The following PPP3CA variants were observed in gnomAD, a reference collection of about 807,000 sequenced individuals.
The protein encoded by PPP3CA is CAM-PRP catalytic subunit.
PPP3CA carries 14 observed loss-of-function variants against 66.5 expected under a neutral mutation model. The observed-to-expected ratio is 0.21, with a 90% CI of 0.14 to 0.33. The LOEUF (loss-of-function observed/expected upper bound fraction) is 0.33. PPP3CA is among the 10% of genes least tolerant of loss of function. The pLI is 1.00. For synonymous variants in PPP3CA, 232 were observed against 226.2 expected, an observed-to-expected ratio of 1.03 and a Z score of -0.23; for missense variants, 317 against 639.5, an observed-to-expected ratio of 0.50 and a Z score of 5.44.
In PPP3CA at chr4:101,244,554, T is replaced by A. The variant is rs367978137; in HGVS notation, c.59-48438A>T. On this transcript the variant is annotated intron_variant, in intron 1 of 13. Coordinates refer to ENST00000394854, the MANE Select transcript of PPP3CA (RefSeq NM_000944.5). ...CACCATAGTGCTAATGAGGACTGAC[T>A]AACAGCACAATTAAGAGTACGCTAT... Among the ~76,000 whole-genome samples, 21 of 152,254 alleles carry A rather than the reference T, an allele frequency of 1.4e-4. No homozygotes were observed. In the East Asian group the frequency reaches 1.9e-3, roughly 14 times the overall value.
rs138091151 is a variant in PPP3CA, at chr4:101,212,778, C to T, written c.59-16662G>A. On this transcript the variant is annotated intron_variant, in intron 1 of 13. Coordinates refer to ENST00000394854, the MANE Select transcript of PPP3CA (RefSeq NM_000944.5). The stretch of plus-strand genomic sequence containing the variant: ...CAGCAATTAAACTACTGGGCTTTTC[C>T]AAGAACATTTATGTATACGGCAGTA... Among the ~76,000 whole-genome samples, 693 of 151,822 alleles carry T rather than the reference C, an allele frequency of 4.6e-3. 12 individuals carry two copies. Among genetic ancestry groups the T allele is most frequent in the African/African-American group, 0.015 (641 of 41,378 alleles).
chr4:101,062,174 C>T (rs1728491116), intron 9 of PPP3CA, among the ~76,000 whole-genome samples: 1 of 152,076 alleles, frequency 6.6e-6, no homozygotes, highest in Non-Finnish European at 1.5e-5. Context: ...ATCCACACTG[C>T]TTCTGTTTCC....
chr4:101,060,791 A>G (rs1471925897), intron 10 of PPP3CA, among the ~76,000 whole-genome samples: 1 of 152,158 alleles, frequency 6.6e-6, no homozygotes, highest in East Asian at 1.9e-4. Flanking sequence ...TAGAAAATAA[A>G]GGATTAAATT....
chr4:101,204,412 G>A (rs1318318308), intron 1 of PPP3CA, among the ~76,000 whole-genome samples: 3 of 152,020 alleles, frequency 2.0e-5, no homozygotes, highest in Non-Finnish European at 2.9e-5. Flanking sequence ...CCAAGCGGGC[G>A]GATCACGAGG....
At chr4:101,065,583 G>T (rs1728646165) in intron 8 of PPP3CA, among the ~76,000 whole-genome samples, 1 of 152,062 alleles carries the variant, frequency 6.6e-6, no homozygotes, top group Non-Finnish European at 1.5e-5. Context: ...GGAGAAACTT[G>T]CTCAAGATCA....
rs116908287 is a variant in PPP3CA, at chr4:101,042,661, T to C, written c.1157-2095A>G. ...AGGATCCCTACCTCTAATCGTATTC[T>C]GATTTTGTAAACAATATTAATTATC... On this transcript the variant is annotated intron_variant, in intron 10 of 13. Coordinates refer to ENST00000394854, the MANE Select transcript of PPP3CA (RefSeq NM_000944.5). 1.3e-3 allele frequency among the ~76,000 whole-genome samples: 194 copies of C among 152,310 alleles called. 2 individuals are homozygous for C. In the East Asian group the frequency reaches 0.031, roughly 24 times the overall value.
intron 2 of PPP3CA, chr4:101,171,297 C>T (rs1271890441): frequency 2.3e-6 from 1 of 437,868 alleles, no homozygotes; most frequent in East Asian, 7.2e-5. Context: ...CATGTATATT[C>T]TTTAAAGCTC....
intron 1 of PPP3CA, among the ~76,000 whole-genome samples, chr4:101,322,984 T>C (rs1158942830): frequency 6.6e-6 from 1 of 152,202 alleles, no homozygotes; most frequent in Non-Finnish European, 1.5e-5. Flanking sequence ...TGTATCAATG[T>C]ATTTAATTAA....
At chr4:101,343,978 G>A (rs1342286534) in intron 1 of PPP3CA, among the ~76,000 whole-genome samples, 1 of 151,972 alleles carries the variant, frequency 6.6e-6, no homozygotes, top group Non-Finnish European at 1.5e-5. Context: ...GCATGCCATG[G>A]TAATAACAAT....
At chr4:101,323,801 G>A (rs888090555) in intron 1 of PPP3CA, among the ~76,000 whole-genome samples, 6 of 152,050 alleles carry the variant, frequency 3.9e-5, no homozygotes, top group African/African-American at 1.2e-4. Flanking sequence ...TGCTATTACC[G>A]TGTTTTAATG....
At chr4:101,302,585 C>G (rs1728413781) in intron 1 of PPP3CA, among the ~76,000 whole-genome samples, 1 of 152,156 alleles carries the variant, frequency 6.6e-6, no homozygotes, top group Non-Finnish European at 1.5e-5. Flanking sequence ...GGCTGGAGTG[C>G]AAAGGCGCAA....
At chr4:101,071,021 C>T (rs1392756914) in intron 8 of PPP3CA, among the ~76,000 whole-genome samples, 2 of 152,150 alleles carry the variant, frequency 1.3e-5, no homozygotes, top group African/African-American at 4.8e-5. Context: ...GTGAGGCTTA[C>T]ACAAATCTAG....
At chr4:101,219,429 G>T (rs1264921890) in intron 1 of PPP3CA, among the ~76,000 whole-genome samples, 3 of 151,888 alleles carry the variant, frequency 2.0e-5, no homozygotes, top group Non-Finnish European at 4.4e-5. Flanking sequence ...AACTAGCATG[G>T]AGGCAAAGAC....
At chr4:101,044,891 C>T (rs766077235) in intron 10 of PPP3CA, among the ~76,000 whole-genome samples, 19 of 152,266 alleles carry the variant, frequency 1.2e-4, no homozygotes, top group African/African-American at 3.6e-4. Context: ...ACTGTTGCAA[C>T]GCCACAGGGT....
At chr4:101,082,115 G>GCCAAAATAGCATAGT in intron 7 of PPP3CA, among the ~76,000 whole-genome samples, 1 of 152,176 alleles carries the variant, frequency 6.6e-6, no homozygotes, top group Non-Finnish European at 1.5e-5. Flanking sequence ...TCAGCCGACT[G>GCCAAAATAGCATAGT]GAACACAGCC....
chr4:101,338,713 G>A (rs766966283), intron 1 of PPP3CA, among the ~76,000 whole-genome samples: 2 of 152,178 alleles, frequency 1.3e-5, no homozygotes, highest in Admixed American at 1.3e-4. Flanking sequence ...CTTCTGAACT[G>A]AAGCTCGAAA....
At chr4:101,220,918 G>C (rs1320821049) in intron 1 of PPP3CA, among the ~76,000 whole-genome samples, 1 of 151,722 alleles carries the variant, frequency 6.6e-6, no homozygotes, top group East Asian at 1.9e-4. Context: ...TGTCCTATTT[G>C]AATTAAATCA....
chr4:101,058,352 T>A (rs1728313947), intron 10 of PPP3CA, among the ~76,000 whole-genome samples: 1 of 152,136 alleles, frequency 6.6e-6, no homozygotes, highest in South Asian at 2.1e-4. Flanking sequence ...AATAACTTAA[T>A]GATGTTTAAC....
intron 1 of PPP3CA, among the ~76,000 whole-genome samples, chr4:101,236,043 A>AG (rs1726118435): frequency 6.6e-6 from 1 of 151,886 alleles, no homozygotes. Flanking sequence ...AAAAAAAAAA[A>AG]GAAAAGGAAT....
Sources: allele counts gnomAD v4.1 joint callset (sites outside exome capture counted in the v4.1 genomes callset), GRCh38; gene constraint gnomAD v4.1.1; transcripts MANE v1.5; gene names NCBI Gene and HGNC (gene_info 2026-07-23, HGNC 2026-07-21).